Variants in PAX5 observed in about 807,000 individuals in gnomAD.
PAX5 encodes paired box 5.
PAX5 carries 9 observed loss-of-function variants against 43.7 expected under a neutral mutation model. The observed-to-expected ratio is 0.21, with a 90% CI of 0.12 to 0.36. The LOEUF is 0.36. PAX5 is among the 10% of genes least tolerant of loss of function. The pLI is 1.00. For synonymous variants in PAX5, 228 were observed against 214.3 expected (o/e 1.06, Z -0.56); for missense variants, 383 against 532.7 (o/e 0.72, Z 2.77).
chr9:36,957,524 C>T (rs1318429674), intron 6 of PAX5, among the ~76,000 whole-genome samples: 2 of 152,052 alleles, frequency 1.3e-5, no homozygotes, highest in Admixed American at 6.5e-5. Context: ...CCAACCAAAC[C>T]CCAACTCTTC....
chr9:36,931,224 G>A (rs1329344998), intron 6 of PAX5, among the ~76,000 whole-genome samples: 2 of 152,240 alleles, frequency 1.3e-5, no homozygotes, highest in Non-Finnish European at 2.9e-5. Context: ...AGCTGGAGTG[G>A]GTGAGAGGTG....
At chr9:36,867,519 T>G (rs56992649) in intron 8 of PAX5, among the ~76,000 whole-genome samples, 2,169 of 152,250 alleles carry the variant, frequency 0.014, 60 homozygotes, top group African/African-American at 0.049. Context: ...GGCACATGAA[T>G]AGCAAAGCTC....
intron 8 of PAX5, among the ~76,000 whole-genome samples, chr9:36,854,328 T>G (rs1174879442): frequency 6.6e-6 from 1 of 152,142 alleles, no homozygotes; most frequent in Admixed American, 6.5e-5. Flanking sequence ...GTATAGACAC[T>G]CCCGATATAC....
rs1475185311 is a variant in PAX5 at position 37,015,014 on chromosome 9, G to A, written c.393C>T (p.Ser131=). The part of the protein sequence containing the change: ...ERVCDNDTVP[S]VSSINRIIRT... ...CCCCTCACCTGTTGATGGAACTGAC[G>A]CTAGGCACGGTGTCATTGTCACACA... The change falls in exon 3 of 10, where the codon AGC becomes AGT. Residue 131 remains serine, a synonymous_variant. Coordinates refer to ENST00000358127, the MANE Select transcript of PAX5 (RefSeq NM_016734.3). The surrounding 1 kb of genome is among the most constrained non-coding windows in gnomAD (Gnocchi z 4.4). 8 of 1,613,898 alleles carry A rather than the reference G, an allele frequency of 5.0e-6. No homozygotes were observed. The highest frequency in any genetic ancestry group is 4.5e-5 in the East Asian group (2 of 44,900).
intron 5 of PAX5, among the ~76,000 whole-genome samples, chr9:36,991,941 C>T (rs776643973): frequency 6.6e-6 from 1 of 152,232 alleles, no homozygotes; most frequent in Non-Finnish European, 1.5e-5. Context: ...CTTCCTCTCT[C>T]AATTTTTCTC....
intron 8 of PAX5, among the ~76,000 whole-genome samples, chr9:36,877,105 G>C (rs911515655): frequency 7.9e-5 from 12 of 152,188 alleles, no homozygotes; most frequent in Admixed American, 7.9e-4. Context: ...GGGAAGCTGA[G>C]GCAGGAGGAT....
intron 8 of PAX5, among the ~76,000 whole-genome samples, chr9:36,860,386 C>T (rs1158451440): frequency 1.3e-5 from 2 of 151,130 alleles, no homozygotes; most frequent in East Asian, 1.9e-4. Flanking sequence ...GATGACCAGG[C>T]CATATCTCAT....
chr9:36,981,000 C>A (rs1357884172), intron 5 of PAX5, among the ~76,000 whole-genome samples: 2 of 152,096 alleles, frequency 1.3e-5, no homozygotes, highest in Non-Finnish European at 2.9e-5. Context: ...TCTGCTCCTG[C>A]CACACTCGCC....
At chr9:36,858,948 C>G (rs934487713) in intron 8 of PAX5, among the ~76,000 whole-genome samples, 1 of 152,124 alleles carries the variant, frequency 6.6e-6, no homozygotes, top group East Asian at 1.9e-4. Context: ...GTGCTAGTCC[C>G]GACCTGCGCT....
At chr9:36,909,368 T>G (rs1369708862) in intron 7 of PAX5, among the ~76,000 whole-genome samples, 1 of 152,206 alleles carries the variant, frequency 6.6e-6, no homozygotes, top group Admixed American at 6.5e-5. Context: ...TTGCTGCACA[T>G]TCTTGAGAAC....
chr9:36,874,684 C>A (rs1459914348), intron 8 of PAX5, among the ~76,000 whole-genome samples: 3 of 152,182 alleles, frequency 2.0e-5, no homozygotes, highest in Non-Finnish European at 4.4e-5. Context: ...TCGGAGACTG[C>A]CTGACTCCTA....
At chr9:36,973,125 G>GAAAGGAAAGGAAAGGAAAGA (rs1835096566) in intron 5 of PAX5, among the ~76,000 whole-genome samples, 1 of 84,482 alleles carries the variant, frequency 1.2e-5, no homozygotes, top group Admixed American at 1.1e-4. Context: ...GAAAGGAAAG[G>GAAAGGAAAGGAAAGGAAAGA]AAAGGAAAGA....
At chr9:37,026,954 G>A (rs1840449857) in intron 1 of PAX5, among the ~76,000 whole-genome samples, 1 of 152,250 alleles carries the variant, frequency 6.6e-6, no homozygotes, top group Admixed American at 6.5e-5. Context: ...CCAGGAAGGA[G>A]CAGCTTTGAG....
chr9:37,029,990 G>C (rs1261736065), intron 1 of PAX5, among the ~76,000 whole-genome samples: 1 of 152,104 alleles, frequency 6.6e-6, no homozygotes, highest in Admixed American at 6.5e-5. Flanking sequence ...CTGCCAAATC[G>C]AAGAACTCGG....
At chr9:37,014,123 T>C (rs35021557) in intron 3 of PAX5, among the ~76,000 whole-genome samples, 2,532 of 152,356 alleles carry the variant, frequency 0.017, 37 homozygotes, top group Non-Finnish European at 0.026. Context: ...CTGAACTTCA[T>C]CCCTGACTCT....
chr9:36,898,987 C>A (rs1828129588), intron 7 of PAX5, among the ~76,000 whole-genome samples: 1 of 152,178 alleles, frequency 6.6e-6, no homozygotes, highest in African/African-American at 2.4e-5. Context: ...ACCCTGCACT[C>A]CTTGGCTCCC....
intron 7 of PAX5, among the ~76,000 whole-genome samples, chr9:36,915,893 G>A (rs1829696749): frequency 1.3e-5 from 2 of 151,902 alleles, no homozygotes; most frequent in Admixed American, 1.3e-4. Flanking sequence ...GCAACATAGG[G>A]AGACCCTGTC....
At chr9:36,989,101 C>A (rs887587825) in intron 5 of PAX5, among the ~76,000 whole-genome samples, 3 of 152,170 alleles carry the variant, frequency 2.0e-5, no homozygotes, top group Non-Finnish European at 4.4e-5. Context: ...GAAGTGTGCG[C>A]AGCAGTGTTA....
chr9:36,955,780 A>ATATAT (rs1043722742), intron 6 of PAX5, among the ~76,000 whole-genome samples: 1 of 82,954 alleles, frequency 1.2e-5, no homozygotes, highest in African/African-American at 3.5e-5. Flanking sequence ...CAAAAAAAAA[A>ATATAT]AAATATATAT....
Sources: gnomAD v4.1 joint callset for allele counts (sites outside exome capture counted in the v4.1 genomes callset) on GRCh38, gnomAD v4.1.1 for gene constraint, Gnocchi (gnomAD v3.1) non-coding constraint, MANE v1.5 for transcripts, NCBI Gene and HGNC (gene_info 2026-07-23, HGNC 2026-07-21) for gene names.